MEGF10: variants seen among roughly 807,000 people sequenced by gnomAD.
MEGF10 encodes multiple epidermal growth factor-like domains protein 10.
Under a neutral mutation model 147.5 loss-of-function variants are expected in MEGF10, and 86 were observed. That is an observed-to-expected ratio of 0.58 (90% CI 0.49 to 0.70). The LOEUF (loss-of-function observed/expected upper bound fraction) is 0.70. MEGF10 is among the 30% of genes least tolerant of loss of function. The probability of loss-of-function intolerance (pLI) is 0.00; values close to 1 mark genes in which losing one functional copy is unlikely to be tolerated. For missense variants in MEGF10, 1,329 were observed against 1,487.3 expected, an observed-to-expected ratio of 0.89 and a Z score of 1.75; for synonymous variants, 478 against 525.5, an observed-to-expected ratio of 0.91 and a Z score of 1.24.
rs141760181 is a variant in MEGF10 at position 127,435,081 on chromosome 5, C to A, written c.1975+260C>A. On this transcript the variant is annotated intron_variant, in intron 15 of 24. Coordinates refer to ENST00000503335, the MANE Select transcript of MEGF10 (RefSeq NM_001256545.2). ...CTGGACATGTCCTCCCATAAAAAAT[C>A]AATATGCGGAAGAATTTTAGACTCC... Among the ~76,000 whole-genome samples the A allele has an allele frequency of 6.3e-3, 957 of 152,250 alleles. 9 individuals carry two copies. The highest frequency in any genetic ancestry group is 0.022 in the African/African-American group (910 of 41,556).
intron 14 of MEGF10, 55 bp downstream of exon 14, chr5:127,433,564 T>G (rs1298543962): frequency 1.9e-6 from 3 of 1,542,402 alleles, no homozygotes; most frequent in Non-Finnish European, 2.6e-6. Context: ...GCACCATGTA[T>G]CGAATAATGA....
chr5:127,291,722 A>C (rs184941217), intron 1 of MEGF10, among the ~76,000 whole-genome samples: 1 of 152,108 alleles, frequency 6.6e-6, no homozygotes, highest in Non-Finnish European at 1.5e-5. Context: ...TTTTTCTTTT[A>C]AATTCCTTGT....
intron 6 of MEGF10, among the ~76,000 whole-genome samples, chr5:127,397,099 T>C (rs1763946362): frequency 6.6e-6 from 1 of 152,228 alleles, no homozygotes; most frequent in South Asian, 2.1e-4. Flanking sequence ...ATATTTGGGA[T>C]TCTGTTTGGA....
At chr5:127,282,154 T>C in the MEGF10 span, among the ~76,000 whole-genome samples, 1 of 152,162 alleles carries the variant, frequency 6.6e-6, no homozygotes, top group Non-Finnish European at 1.5e-5. Flanking sequence ...ATTATTTCTC[T>C]TGCTTCCCCC....
chr5:127,332,446 G>T (rs1207914698), intron 2 of MEGF10, among the ~76,000 whole-genome samples: 5 of 152,112 alleles, frequency 3.3e-5, no homozygotes, highest in Non-Finnish European at 5.9e-5. Context: ...CCACTGTTAG[G>T]ATGCATAAAG....
chr5:127,455,351 A>T (rs759999640), intron 23 of MEGF10, 50 bp from the exon 24 acceptor site: 1 of 1,434,474 alleles, frequency 7.0e-7, no homozygotes, highest in Admixed American at 1.8e-5. Flanking sequence ...CCAAGAAATG[A>T]TGTTGCCAGT....
chr5:127,360,339 G>A (rs1397605608), intron 4 of MEGF10, among the ~76,000 whole-genome samples: 1 of 151,920 alleles, frequency 6.6e-6, no homozygotes, highest in African/African-American at 2.4e-5. Context: ...ACTTTTATCT[G>A]TAATTTTGTT....
chr5:127,413,215 A>T (rs1457270452), intron 9 of MEGF10, among the ~76,000 whole-genome samples: 1 of 152,226 alleles, frequency 6.6e-6, no homozygotes, highest in Non-Finnish European at 1.5e-5. Context: ...AGTATTATTG[A>T]GCCTAAAGAT....
chr5:127,433,456 A>T lies in MEGF10; in HGVS notation c.1787A>T (p.Asp596Val). The T allele has an allele frequency of 6.2e-7, 1 of 1,613,966 alleles. No homozygotes were observed. The highest frequency in any genetic ancestry group is 8.5e-7 in the Non-Finnish European group (1 of 1,179,938). The change falls in exon 14 of 25, where the codon GAT becomes GTT. Residue 596 changes from aspartate (D) to valine (V), a missense_variant. Coordinates refer to ENST00000503335, the MANE Select transcript of MEGF10 (RefSeq NM_001256545.2). The stretch of plus-strand genomic sequence containing the variant: ...AAAAATGGGGCTTCATGCTCCCCTG[A>T]TGATGGCATCTGCGAGTGTGCACCA... The part of the protein sequence containing the change: ...YCKNGASCSP[D>V]DGICECAPGF...
intron 4 of MEGF10, among the ~76,000 whole-genome samples, chr5:127,366,614 G>T (rs374939286): frequency 2.0e-5 from 3 of 152,088 alleles, no homozygotes; most frequent in African/African-American, 7.2e-5. Context: ...TGCTAATGAC[G>T]CATCCACATT....
chr5:127,268,546 C>T, the MEGF10 span, among the ~76,000 whole-genome samples: 2 of 152,056 alleles, frequency 1.3e-5, no homozygotes, highest in African/African-American at 4.8e-5. Context: ...GGGGGAGGGG[C>T]GCCCACCGTT....
At chr5:127,254,430 GC>G in the MEGF10 span, among the ~76,000 whole-genome samples, 1 of 151,986 alleles carries the variant, frequency 6.6e-6, no homozygotes, top group Admixed American at 6.6e-5. Context: ...AAATGCAAAA[GC>G]TTTTTTTATG....
At chr5:127,445,331 TCCAAATTAA>T in intron 19 of MEGF10, 117 bp from the exon 20 acceptor site, 1 of 737,336 alleles carries the variant, frequency 1.4e-6, no homozygotes, top group Non-Finnish European at 2.3e-6. Context: ...CTGCTCTGTT[TCCAAATTAA>T]TGTTTTATGA....
chr5:127,322,154 T>C (rs1314239069), intron 1 of MEGF10, among the ~76,000 whole-genome samples: 2 of 151,856 alleles, frequency 1.3e-5, no homozygotes, highest in Non-Finnish European at 2.9e-5. Flanking sequence ...GGGTTGATCA[T>C]GTTCCATTTT....
chr5:127,409,326 A>G (rs1764461860), intron 8 of MEGF10, among the ~76,000 whole-genome samples: 1 of 152,206 alleles, frequency 6.6e-6, no homozygotes, highest in Admixed American at 6.5e-5. Context: ...GCCTGACTTG[A>G]GAGCCACATG....
chr5:127,235,741 A>G, the MEGF10 span, among the ~76,000 whole-genome samples: 1 of 152,204 alleles, frequency 6.6e-6, no homozygotes, highest in Admixed American at 6.5e-5. Context: ...GTCTCCATAC[A>G]AGTGATGTCA....
In MEGF10 at chr5:127,323,561, A is replaced by T. The variant is rs79269629; in HGVS notation, c.-18-7730A>T. 2.7e-3 allele frequency among the ~76,000 whole-genome samples: 406 copies of T among 152,340 alleles called. 1 individual carries two copies. The highest frequency in any genetic ancestry group is 9.3e-3 in the African/African-American group (387 of 41,578). On this transcript the variant is annotated intron_variant, in intron 1 of 24. Transcript: ENST00000503335. ...TTAATGCTACTAAAGATGCCAATGA[A>T]ATGATGGGCATTATTAGGAGGTATT...
At chr5:127,237,482 ACT>A in the MEGF10 span, among the ~76,000 whole-genome samples, 1 of 152,086 alleles carries the variant, frequency 6.6e-6, no homozygotes, top group African/African-American at 2.4e-5. Flanking sequence ...ACAGAGCTAG[ACT>A]CTGTCTCCAA....
At chr5:127,249,184 A>G in the MEGF10 span, among the ~76,000 whole-genome samples, 6 of 152,080 alleles carry the variant, frequency 3.9e-5, no homozygotes, top group African/African-American at 1.4e-4. Context: ...AATAGTAAAA[A>G]TGACAATAGC....
Sources: gnomAD v4.1 joint callset for allele counts (sites outside exome capture counted in the v4.1 genomes callset) on GRCh38, gnomAD v4.1.1 for gene constraint, MANE v1.5 for transcripts, NCBI Gene and HGNC (gene_info 2026-07-23, HGNC 2026-07-21) for gene names.